The following RIMBP2 variants were observed in gnomAD, a reference collection of about 807,000 sequenced individuals.
RIMBP2 encodes the protein RIMS-binding protein 2.
A neutral mutation model predicts 118.6 loss-of-function variants in RIMBP2; 48 were observed. The observed-to-expected ratio is 0.40, with a 90% confidence interval of 0.32 to 0.51. The LOEUF is 0.51. RIMBP2 is among the 20% of genes least tolerant of loss of function. The pLI is 0.41. For missense variants in RIMBP2, 1,551 were observed against 1,768.3 expected, an observed-to-expected ratio of 0.88 and a Z score of 2.20; for synonymous variants, 762 against 742.9, an observed-to-expected ratio of 1.03 and a Z score of -0.42.
chr12:130,491,223 G>GGGA (rs1566135653), intron 4 of RIMBP2, among the ~76,000 whole-genome samples: 3 of 152,200 alleles, frequency 2.0e-5, no homozygotes, highest in Non-Finnish European at 2.9e-5. Flanking sequence ...TGAAGCAGGT[G>GGGA]ATATTTTTAT....
At chr12:130,677,010 C>G (rs1489787627) in intron 1 of RIMBP2, among the ~76,000 whole-genome samples, 1 of 152,142 alleles carries the variant, frequency 6.6e-6, no homozygotes, top group East Asian at 1.9e-4. Context: ...TGTGTAAACC[C>G]TACCTCCACA....
rs574776277 is a variant in RIMBP2, at chr12:130,648,534, C to T, written c.-351-20078G>A. 4.1e-5 allele frequency among the ~76,000 whole-genome samples: 6 copies of T among 145,906 alleles called. No homozygotes were observed. In the South Asian group the frequency reaches 1.3e-3, roughly 31 times the overall value. On this transcript the variant is annotated intron_variant, in intron 1 of 22. Coordinates refer to ENST00000690449, the MANE Select transcript of RIMBP2 (RefSeq NM_001393629.1). ...CAAGCTATATACATCTGATGTTATC[C>T]ATGATGATTTTAATGAGGTATGTGT...
intron 2 of RIMBP2, among the ~76,000 whole-genome samples, chr12:130,532,845 G>A (rs575411981): frequency 6.6e-6 from 1 of 151,282 alleles, no homozygotes; most frequent in African/African-American, 2.4e-5. Flanking sequence ...AGATGCGTGT[G>A]TTTAGCCTCT....
intron 1 of RIMBP2, among the ~76,000 whole-genome samples, chr12:130,706,816 C>T (rs2066144563): frequency 6.6e-6 from 1 of 152,168 alleles, no homozygotes; most frequent in African/African-American, 2.4e-5. Context: ...AGACTTATCA[C>T]CAAAATTATC....
At chr12:130,478,517 T>G (rs1485708081) in intron 5 of RIMBP2, among the ~76,000 whole-genome samples, 1 of 152,206 alleles carries the variant, frequency 6.6e-6, no homozygotes, top group East Asian at 1.9e-4. Context: ...CTGGTTCCTG[T>G]ACTCCTTGCA....
At chr12:130,692,394 C>A (rs1376728791) in intron 1 of RIMBP2, among the ~76,000 whole-genome samples, 6 of 152,140 alleles carry the variant, frequency 3.9e-5, no homozygotes, top group African/African-American at 1.4e-4. Context: ...CTGGTTTGAG[C>A]AACCAAGAAT....
intron 2 of RIMBP2, among the ~76,000 whole-genome samples, chr12:130,582,914 T>A (rs1460032007): frequency 6.6e-6 from 1 of 152,246 alleles, no homozygotes. Flanking sequence ...AATAACTGAA[T>A]GCCACCTCCA....
intron 2 of RIMBP2, among the ~76,000 whole-genome samples, chr12:130,545,054 C>T (rs2054983163): frequency 6.6e-6 from 1 of 152,092 alleles, no homozygotes; most frequent in African/African-American, 2.4e-5. Context: ...AACAAAATAC[C>T]AAAATCTCAC....
At chr12:130,616,626 C>A (rs550640172) in intron 2 of RIMBP2, among the ~76,000 whole-genome samples, 17 of 152,342 alleles carry the variant, frequency 1.1e-4, no homozygotes, top group African/African-American at 3.6e-4. Flanking sequence ...TCCTAGGAGA[C>A]AATGAATGAG....
At chr12:130,427,994 A>G in intron 15 of RIMBP2, 185 bp downstream of exon 15, 1 of 559,832 alleles carries the variant, frequency 1.8e-6, no homozygotes, top group Non-Finnish European at 3.0e-6. Context: ...GGCCAAGAGC[A>G]AGACAGGAGT....
chr12:130,523,167 C>T lies in RIMBP2; in HGVS notation c.-216-5250G>A, dbSNP rs2052354518. Among the ~76,000 whole-genome samples, 1 of 152,018 alleles carries T rather than the reference C, an allele frequency of 6.6e-6. No homozygotes were observed. The highest frequency in any genetic ancestry group is 1.5e-5 in the Non-Finnish European group (1 of 67,976). On this transcript the variant is annotated intron_variant, in intron 2 of 22. Transcript: ENST00000690449. The surrounding 1 kb of genome is among the most constrained non-coding windows in gnomAD (Gnocchi z 4.4). ...TCTGCCTCCATGTCTGTCTGTGTCT[C>T]TGTTTCTCTGCCTCTCTGTCTCTAT...
chr12:130,664,369 G>A lies in RIMBP2; in HGVS notation c.-351-35913C>T, dbSNP rs180678698. 8.3e-5 allele frequency among the ~76,000 whole-genome samples: 12 copies of A among 145,442 alleles called. 1 individual carries two copies. Among genetic ancestry groups the A allele is most frequent in the Admixed American group, 8.2e-4 (12 of 14,550 alleles). ...CACACACATGCACACACATATGCAC[G>A]TGCATGCACGCACGCGCATGCACAC... On this transcript the variant is annotated intron_variant, in intron 1 of 22. Coordinates refer to ENST00000690449, the MANE Select transcript of RIMBP2 (RefSeq NM_001393629.1).
intron 5 of RIMBP2, among the ~76,000 whole-genome samples, chr12:130,473,480 G>A (rs897051664): frequency 6.6e-6 from 1 of 152,230 alleles, no homozygotes; most frequent in African/African-American, 2.4e-5. Context: ...CCCTGTGGCC[G>A]AAGTGCTGGG....
chr12:130,491,476 C>A (rs2048637259), intron 4 of RIMBP2, among the ~76,000 whole-genome samples: 1 of 152,214 alleles, frequency 6.6e-6, no homozygotes, highest in Non-Finnish European at 1.5e-5. Context: ...TTCTGCAGTG[C>A]CCTGAAGTCA....
At chr12:130,625,918 C>T (rs752262432) in intron 2 of RIMBP2, among the ~76,000 whole-genome samples, 2 of 152,170 alleles carry the variant, frequency 1.3e-5, no homozygotes, top group Non-Finnish European at 2.9e-5. Flanking sequence ...ACCCACACCA[C>T]TCAGTTGAAA....
intron 21 of RIMBP2, among the ~76,000 whole-genome samples, chr12:130,400,193 A>G (rs529112853): frequency 1.3e-5 from 2 of 152,260 alleles, no homozygotes; most frequent in Non-Finnish European, 2.9e-5. Context: ...CGCTCAGCAC[A>G]CCAGCCCAGA....
chr12:130,525,858 G>C lies in RIMBP2; in HGVS notation c.-216-7941C>G, dbSNP rs2052722978. Among the ~76,000 whole-genome samples the C allele has an allele frequency of 6.6e-6, 1 of 152,118 alleles. No individual in the cohort carries two copies. Among genetic ancestry groups the C allele is most frequent in the South Asian group, 2.1e-4 (1 of 4,830 alleles). The stretch of plus-strand genomic sequence containing the variant: ...GCACTGCCATGTGGCAGACATTCTT[G>C]CTATCCTGCTTGTCAAGGGAAGAAA... On this transcript the variant is annotated intron_variant, in intron 2 of 22. Transcript: ENST00000690449. The surrounding 1 kb of genome is among the most constrained non-coding windows in gnomAD (Gnocchi z 4.4).
At chr12:130,604,921 T>C (rs1160160227) in intron 2 of RIMBP2, among the ~76,000 whole-genome samples, 2 of 151,734 alleles carry the variant, frequency 1.3e-5, no homozygotes, top group Non-Finnish European at 2.9e-5. Context: ...ACTGTGCCTT[T>C]TCTGCAAGGT....
chr12:130,466,273 G>C (rs1038868143), intron 6 of RIMBP2: 1 of 152,176 alleles, frequency 6.6e-6, no homozygotes, highest in African/African-American at 2.4e-5. Context: ...CTGCTCTCAG[G>C]TTCTTAGGTT....
Sources: allele counts gnomAD v4.1 joint callset (sites outside exome capture counted in the v4.1 genomes callset), GRCh38; gene constraint gnomAD v4.1.1; non-coding constraint Gnocchi (gnomAD v3.1); transcripts MANE v1.5; gene names NCBI Gene and HGNC (gene_info 2026-07-23, HGNC 2026-07-21).